Variants in KANTR observed in about 807,000 individuals in gnomAD.
KANTR encodes KANTR integral membrane protein.
downstream of KANTR, chrX:53,127,480 G>T (rs2146748973): frequency 8.9e-6 from 1 of 112,291 alleles, no homozygotes; most frequent in Non-Finnish European, 1.9e-5. Flanking sequence ...GGAGGATAGA[G>T]AAATAAAGGC....
At chrX:53,114,100 C>T (rs1174389178) in intron 2 of KANTR, among the ~76,000 whole-genome samples, 5 of 110,878 alleles carry the variant, frequency 4.5e-5, no homozygotes, top group African/African-American at 1.6e-4. Flanking sequence ...GGGGTTTCGC[C>T]ATGTTGCCCA....
At chrX:53,141,515 T>C (rs1933501418) in intron 2 of KANTR, among the ~76,000 whole-genome samples, 1 of 111,777 alleles carries the variant, frequency 8.9e-6, no homozygotes, top group Non-Finnish European at 1.9e-5. Context: ...GGTGCTGCTT[T>C]AAAGGAACAT....
downstream of KANTR, among the ~76,000 whole-genome samples, chrX:53,146,907 A>T (rs1332140880): frequency 9.0e-6 from 1 of 111,709 alleles, no homozygotes; most frequent in African/African-American, 3.3e-5. Context: ...CTTTACAGAC[A>T]AGCAAATGCT....
chrX:53,124,587 C>T (rs1399950903), exon 3 of KANTR: 5 of 293,049 alleles, frequency 1.7e-5, no homozygotes, highest in Non-Finnish European at 3.0e-5. Flanking sequence ...CCCTCTAACT[C>T]CTGCTTCTCC....
downstream of KANTR, among the ~76,000 whole-genome samples, chrX:53,147,338 CTT>C (rs1933591100): frequency 9.0e-6 from 1 of 111,348 alleles, no homozygotes; most frequent in African/African-American, 3.3e-5. Flanking sequence ...ATAAAACAGA[CTT>C]TAAACGAACA....
At chrX:53,137,719 A>C (rs781847909) in intron 2 of KANTR, among the ~76,000 whole-genome samples, 1 of 109,463 alleles carries the variant, frequency 9.1e-6, no homozygotes, top group African/African-American at 3.3e-5. Context: ...CGGTGAGCTG[A>C]GATCGTGCCA....
Position 53,098,371 on chromosome X carries a change from C to G in KANTR, c.-941-1101C>G, listed in dbSNP as rs781788142. Among the ~76,000 whole-genome samples, 9 of 112,120 alleles carry G rather than the reference C, an allele frequency of 8.0e-5. No homozygotes were observed. The East Asian group carries it at 2.5e-3, about 31-fold the overall frequency. ...AATTTTTTGCTGGTGGAGGGTCTTA[C>G]CTCGATGTTGATGGTTGCTGACTGA... is the stretch of plus-strand genomic sequence containing the variant. On this transcript the variant is annotated intron_variant, in intron 1 of 2. Coordinates refer to ENST00000604062, the Ensembl canonical transcript of KANTR.
chrX:53,132,736 A>G (rs782527585), intron 2 of KANTR, among the ~76,000 whole-genome samples: 1 of 111,430 alleles, frequency 9.0e-6, no homozygotes, highest in South Asian at 3.8e-4. Flanking sequence ...GTAGTTTGCA[A>G]CAGTGGGAAG....
chrX:53,118,696 G>A (rs1255129340), intron 2 of KANTR, among the ~76,000 whole-genome samples: 1 of 109,594 alleles, frequency 9.1e-6, no homozygotes, highest in African/African-American at 3.3e-5. Flanking sequence ...GGGAGGCGGT[G>A]GCTACAGTGA....
chrX:53,102,000 C>CAAAA (rs201162727), intron 2 of KANTR, among the ~76,000 whole-genome samples: 1 of 43,397 alleles, frequency 2.3e-5, no homozygotes, highest in Admixed American at 3.0e-4. Flanking sequence ...AACCCTGTCT[C>CAAAA]AAAAAAAAAA....
At chrX:53,119,768 G>A (rs1268693910) in intron 2 of KANTR, among the ~76,000 whole-genome samples, 1 of 111,393 alleles carries the variant, frequency 9.0e-6, no homozygotes, top group African/African-American at 3.3e-5. Context: ...CACCCAGGCT[G>A]GAGTGCAGTG....
At chrX:53,104,894 T>C (rs968470038) in intron 2 of KANTR, among the ~76,000 whole-genome samples, 11 of 110,511 alleles carry the variant, frequency 1.0e-4, no homozygotes, top group African/African-American at 3.6e-4. Flanking sequence ...ACTTTTTTTT[T>C]TTCTTTTTGA....
intron 2 of KANTR, chrX:53,141,719 G>C (rs186471397): frequency 1.8e-5 from 2 of 112,241 alleles, no homozygotes; most frequent in East Asian, 5.5e-4. Flanking sequence ...CTTACACAAT[G>C]ACGTGTTGCT....
At chrX:53,100,551 G>A (rs938953191) in intron 2 of KANTR, among the ~76,000 whole-genome samples, 3 of 110,673 alleles carry the variant, frequency 2.7e-5, no homozygotes, top group Admixed American at 9.7e-5. Context: ...TGTAATCCCA[G>A]CACTTTGGGA....
chrX:53,142,816 C>T (rs1933522678), downstream of KANTR: 1 of 482,007 alleles, frequency 2.1e-6, no homozygotes, highest in Non-Finnish European at 3.8e-6. Flanking sequence ...CACATGCTTG[C>T]AGTCCATTTA....
intron 2 of KANTR, among the ~76,000 whole-genome samples, chrX:53,135,530 AGTT>A (rs1933410766): frequency 8.9e-6 from 1 of 112,317 alleles, no homozygotes; most frequent in East Asian, 2.8e-4. Flanking sequence ...AGATCATGTT[AGTT>A]AGCTCTTATT....
downstream of KANTR, among the ~76,000 whole-genome samples, chrX:53,147,103 A>C (rs1490169441): frequency 8.9e-6 from 1 of 111,740 alleles, no homozygotes; most frequent in Admixed American, 9.6e-5. Context: ...ACAGGATCGA[A>C]TTCACACATA....
downstream of KANTR, chrX:53,143,895 C>T (rs1239820596): frequency 6.6e-5 from 27 of 410,794 alleles, no homozygotes; most frequent in Non-Finnish European, 9.1e-5. Flanking sequence ...ATGATGAGCG[C>T]GGCGATCTCT....
At chrX:53,144,688 A>G (rs1422664496), downstream of KANTR, among the ~76,000 whole-genome samples, 1 of 111,927 alleles carries the variant, frequency 8.9e-6, no homozygotes, top group Non-Finnish European at 1.9e-5. Flanking sequence ...AAGTCCATAC[A>G]TGAGTGTAGG....
Sources: allele counts gnomAD v4.1 joint callset (sites outside exome capture counted in the v4.1 genomes callset), GRCh38; gene constraint gnomAD v4.1.1; transcripts MANE v1.5; gene names NCBI Gene and HGNC (gene_info 2026-07-23, HGNC 2026-07-21).